FAM186A: variants seen among roughly 807,000 people sequenced by gnomAD.
FAM186A encodes the protein family with sequence similarity 186 member A, also known as protein FAM186A.
Under a neutral mutation model 216.8 loss-of-function variants are expected in FAM186A, and 163 were observed. The observed-to-expected ratio is 0.75, with a 90% CI of 0.66 to 0.86. The LOEUF (loss-of-function observed/expected upper bound fraction) is 0.86, where lower values mean the gene tolerates loss of function less well. Among genes scored for constraint, FAM186A ranks in the 40% least tolerant of loss-of-function variants. The probability of loss-of-function intolerance (pLI) is 0.00; values close to 1 mark genes in which losing one functional copy is unlikely to be tolerated. For missense variants in FAM186A, 2,184 were observed against 2,746.2 expected (o/e 0.80, Z 4.58); for synonymous variants, 805 against 1,025.3 (o/e 0.79, Z 4.10).
At chr12:50,335,852 G>A (rs867103550) in intron 4 of FAM186A, among the ~76,000 whole-genome samples, 4 of 151,694 alleles carry the variant, frequency 2.6e-5, no homozygotes, top group Non-Finnish European at 5.9e-5. Context: ...AAGGCCGGGC[G>A]CAGTGGCTCA....
chr12:50,378,446 T>C (rs1943220135), intron 1 of FAM186A, among the ~76,000 whole-genome samples: 2 of 150,890 alleles, frequency 1.3e-5, no homozygotes, highest in South Asian at 2.1e-4. Flanking sequence ...AGGAGAATCG[T>C]TTGAACCCCA....
chr12:50,353,330 C>G lies in FAM186A; in HGVS notation c.3502G>C (p.Gly1168Arg). Residue 1168 changes from glycine (G) to arginine (R), a missense_variant, in exon 4 of 8, where the codon GGG (glycine) becomes CGG (arginine). This residue lies in a region of FAM186A where 267 missense variants were observed against 446.2 expected (regional missense o/e 0.60). Coordinates refer to ENST00000327337, the MANE Select transcript of FAM186A (RefSeq NM_001145475.3). Reference protein sequence around the residue: ...SLTTQQAQKLGIPLTPQQAQA... With the variant: ...SLTTQQAQKLRIPLTPQQAQA... ...GCCTGCTGAGGGGTAAGAGGGATCC[C>G]TAGTTTCTGAGCCTGCTGAGTGGTG... is the stretch of plus-strand genomic sequence containing the variant. The G allele has an allele frequency of 1.3e-6, 2 of 1,539,754 alleles. No individual in the cohort carries two copies. Among genetic ancestry groups the G allele is most frequent in the East Asian group, 5.0e-5 (2 of 39,800 alleles).
chr12:50,363,088 C>T, intron 2 of FAM186A, 57 bp downstream of exon 2: 1 of 1,362,882 alleles, frequency 7.3e-7, no homozygotes, highest in Non-Finnish European at 9.9e-7. Flanking sequence ...CTTATATATT[C>T]TCTTCTCTTT....
At chr12:50,331,647 A>G in intron 6 of FAM186A, 23 bp downstream of exon 6, 1 of 1,525,446 alleles carries the variant, frequency 6.6e-7, no homozygotes, top group South Asian at 1.3e-5. Context: ...CCAAAGTTTA[A>G]TATCAGTCTT....
At chr12:50,341,753 T>C (rs1362021289) in intron 4 of FAM186A, among the ~76,000 whole-genome samples, 1 of 152,124 alleles carries the variant, frequency 6.6e-6, no homozygotes, top group Non-Finnish European at 1.5e-5. Flanking sequence ...GAGAATTCCC[T>C]GAACCCAGGA....
chr12:50,330,857 A>G, intron 6 of FAM186A, 99 bp from the exon 7 acceptor site: 7 of 1,038,998 alleles, frequency 6.7e-6, no homozygotes, highest in South Asian at 4.0e-5. Flanking sequence ...ACCTTGTCCT[A>G]TAATGCCTTC....
At chr12:50,336,772 T>C (rs1020010294) in intron 4 of FAM186A, among the ~76,000 whole-genome samples, 3 of 151,856 alleles carry the variant, frequency 2.0e-5, no homozygotes, top group Admixed American at 2.0e-4. Context: ...GGTTGGATAG[T>C]GAAAGATGAA....
At chr12:50,376,508 G>T (rs4477515) in intron 1 of FAM186A, among the ~76,000 whole-genome samples, 146,116 of 152,164 alleles carry the variant, frequency 0.96, 70,422 homozygotes, top group East Asian at 1. Context: ...AAAGTGGATA[G>T]CTTCTGTCTG....
chr12:50,396,275 T>C lies in FAM186A; in HGVS notation c.192+18A>G, dbSNP rs1943411913. ...AAAAAGAAAATTGCAGTCTGTAAAC[T>C]TCAGATTCACTACCTACCTCTCTGG... On this transcript the variant is annotated intron_variant, in intron 1 of 7. Transcript: ENST00000327337. 6.7e-7 allele frequency: 1 copy of C among 1,492,016 alleles called. No homozygotes were observed. The highest frequency in any genetic ancestry group is 2.5e-5 in the East Asian group (1 of 39,822). The allele number at this position is 1,492,016 out of a possible 1,614,324, so 92.4% of individuals were successfully genotyped here. A position where few individuals can be genotyped will look rare whatever the true frequency, so the allele number is the denominator to read the frequency against.
chr12:50,328,579 C>A (rs1942626952), intron 7 of FAM186A, among the ~76,000 whole-genome samples: 2 of 152,092 alleles, frequency 1.3e-5, no homozygotes. Context: ...GCGATCTCGG[C>A]TCACTGCAAC....
intron 4 of FAM186A, among the ~76,000 whole-genome samples, chr12:50,346,237 A>AAAAGAAAGAAAGAAAGAAAGAAAGAAAG (rs1555215380): frequency 5.9e-5 from 6 of 102,174 alleles, no homozygotes; most frequent in Admixed American, 1.2e-4. Flanking sequence ...AAGAAAGAAA[A>AAAAGAAAGAAAGAAAGAAAGAAAGAAAG]AAAGAAAGAA....
intron 1 of FAM186A, among the ~76,000 whole-genome samples, chr12:50,388,819 G>A (rs1056462549): frequency 6.6e-6 from 1 of 152,060 alleles, no homozygotes; most frequent in Admixed American, 6.6e-5. Context: ...TTGGGAGGTC[G>A]AAGCGAGCAG....
chr12:50,393,012 T>C (rs1162392534), intron 1 of FAM186A, among the ~76,000 whole-genome samples: 5 of 149,614 alleles, frequency 3.3e-5, no homozygotes, highest in East Asian at 2.0e-4. Flanking sequence ...CTGCAAGCTC[T>C]GCCTCCCGGG....
chr12:50,376,184 C>A (rs1162875545), intron 1 of FAM186A, among the ~76,000 whole-genome samples: 1 of 152,192 alleles, frequency 6.6e-6, no homozygotes, highest in Non-Finnish European at 1.5e-5. Context: ...CCACTTTTCA[C>A]TCACACGGTC....
intron 2 of FAM186A, 97 bp downstream of exon 2, chr12:50,363,048 T>A: frequency 9.5e-7 from 1 of 1,056,394 alleles, no homozygotes; most frequent in Non-Finnish European, 1.3e-6. Flanking sequence ...AGTCTTTTCT[T>A]CTTTAATCTG....
Position 50,331,763 on chromosome 12 carries a change from T to C in FAM186A, c.6755A>G (p.Lys2252Arg), listed in dbSNP as rs893477781. The change falls in exon 6 of 8, where the codon AAG (lysine) becomes AGG (arginine). Residue 2252 changes from lysine to arginine, a missense_variant. By Grantham distance (26) the Lys-to-Arg change is conservative (BLOSUM62 2). Around this residue, in one of 7 missense-constraint regions of FAM186A, gnomAD observed 721 missense variants for 816.4 expected, o/e 0.88. Transcript: ENST00000327337. ...SQPIPLIIEE[K>R]QIPASTTFVQ... The stretch of plus-strand genomic sequence containing the variant: ...AAATGTGGTAGAGGCAGGTATCTGC[T>C]TTTCTTCGATGATTAAGGGGATAGG... 2 of 1,549,744 alleles carry C rather than the reference T, an allele frequency of 1.3e-6. No individual in the cohort carries two copies. The highest frequency in any genetic ancestry group is 1.7e-6 in the Non-Finnish European group (2 of 1,146,504).
At position 50,346,933 on chromosome 12, in the gene FAM186A, C is replaced by A. The variant is rs981740694; in HGVS notation, c.6503+3396G>T. ...TCACACATGCACACACACACACACA[C>A]ACAAACCCGAACAACAAAAAAAAGA... On this transcript the variant is annotated intron_variant, in intron 4 of 7. Coordinates refer to ENST00000327337, the MANE Select transcript of FAM186A (RefSeq NM_001145475.3). 4.4e-4 allele frequency among the ~76,000 whole-genome samples: 66 copies of A among 150,212 alleles called. 1 individual carries two copies. The highest frequency in any genetic ancestry group is 2.5e-5 in the African/African-American group (1 of 40,630).
At position 50,353,900 on chromosome 12, in the gene FAM186A, G is replaced by A. The variant is rs764385921; in HGVS notation, c.2932C>T (p.Leu978Phe). ...TCCTTTGTTTTGATCTGCCTTTCGAGGTCCTCTAGCCCTCTCTCTGGCTTC... is the reference window on the plus strand; with the variant it reads ...TCCTTTGTTTTGATCTGCCTTTCGAAGTCCTCTAGCCCTCTCTCTGGCTTC... ...KQKPERGLED[L>F]ERQIKTKDQM... is the part of the protein sequence containing the mutation. Residue 978 changes from leucine (L) to phenylalanine (F), a missense_variant, in exon 4 of 8, where the codon CTC becomes TTC. This residue lies in a region of FAM186A where 1,132 missense variants were observed against 1,263.4 expected (regional missense o/e 0.90). Coordinates refer to ENST00000327337, the MANE Select transcript of FAM186A (RefSeq NM_001145475.3). The A allele has an allele frequency of 6.4e-7, 1 of 1,552,326 alleles. No individual in the cohort carries two copies. The highest frequency in any genetic ancestry group is 8.7e-7 in the Non-Finnish European group (1 of 1,147,444).
chr12:50,345,528 G>A (rs1356339172), intron 4 of FAM186A, among the ~76,000 whole-genome samples: 1 of 152,202 alleles, frequency 6.6e-6, no homozygotes, highest in Non-Finnish European at 1.5e-5. Context: ...TTTTGTATAT[G>A]GTGAAAGGTA....
Sources: allele counts gnomAD v4.1 joint callset (sites outside exome capture counted in the v4.1 genomes callset), GRCh38; gene constraint gnomAD v4.1.1; regional missense constraint gnomAD v4.1.1; transcripts MANE v1.5; gene names NCBI Gene and HGNC (gene_info 2026-07-23, HGNC 2026-07-21).